NKAIN3: variants seen among roughly 807,000 people sequenced by gnomAD.
NKAIN3 encodes the protein sodium/potassium-transporting ATPase subunit beta-1-interacting protein 3.
In NKAIN3, 25 loss-of-function variants were observed where a neutral mutation model predicts 30.2. That is an observed-to-expected ratio of 0.83 (90% confidence interval 0.60 to 1.16). The LOEUF (loss-of-function observed/expected upper bound fraction) is 1.16. Among genes scored for constraint, NKAIN3 ranks in the 50% most tolerant of loss-of-function variants. The probability of loss-of-function intolerance (pLI) is 0.00; values close to 1 mark genes in which losing one functional copy is unlikely to be tolerated. For missense variants in NKAIN3, 225 were observed against 254.1 expected (o/e 0.89, Z 0.78); for synonymous variants, 91 against 89.6 (o/e 1.02, Z -0.09).
intron 4 of NKAIN3, chr8:62,856,331 T>A: frequency 1.1e-6 from 1 of 927,882 alleles, no homozygotes; most frequent in Non-Finnish European, 1.8e-6. Flanking sequence ...GCTTCAGCTT[T>A]AACCTGCTTA....
intron 4 of NKAIN3, among the ~76,000 whole-genome samples, chr8:62,751,762 ATAT>A (rs1816290588): frequency 6.6e-6 from 1 of 152,068 alleles, no homozygotes; most frequent in Non-Finnish European, 1.5e-5. Flanking sequence ...TATGTGTTAC[ATAT>A]TATAATCATA....
Position 62,870,528 on chromosome 8 carries a change from T to C in NKAIN3, c.472-47925T>C, listed in dbSNP as rs1449371732. Among the ~76,000 whole-genome samples the C allele has an allele frequency of 3.6e-5, 5 of 137,950 alleles. 1 individual carries two copies. Among genetic ancestry groups the C allele is most frequent in the African/African-American group, 5.5e-5 (2 of 36,636 alleles). 90.5% of individuals were successfully genotyped at this position (137,950 alleles called of 152,430 possible). On this transcript the variant is annotated intron_variant, in intron 4 of 6. Coordinates refer to ENST00000623646, the MANE Select transcript of NKAIN3 (RefSeq NM_001304533.3). ...TACAATATGTACGTATATATGTATATATGTACAATATGTACATATATATAC... is the reference window on the plus strand; with the variant it reads ...TACAATATGTACGTATATATGTATACATGTACAATATGTACATATATATAC...
intron 5 of NKAIN3, among the ~76,000 whole-genome samples, chr8:62,934,991 A>G (rs1822738825): frequency 6.6e-6 from 1 of 152,132 alleles, no homozygotes; most frequent in African/African-American, 2.4e-5. Flanking sequence ...TCAAATTCAC[A>G]AATTCTGCCT....
chr8:62,961,877 T>G (rs1292280995), intron 6 of NKAIN3, among the ~76,000 whole-genome samples: 1 of 152,164 alleles, frequency 6.6e-6, no homozygotes, highest in Non-Finnish European at 1.5e-5. Flanking sequence ...AGAAATTTCA[T>G]TATAAATTAC....
intron 1 of NKAIN3, among the ~76,000 whole-genome samples, chr8:62,278,649 A>G (rs1813050781): frequency 2.6e-5 from 4 of 151,890 alleles, no homozygotes; most frequent in Admixed American, 2.6e-4. Flanking sequence ...TATCCCTGTG[A>G]TAGTTTGCTA....
intron 4 of NKAIN3, among the ~76,000 whole-genome samples, chr8:62,756,852 G>A (rs1015888837): frequency 2.6e-5 from 4 of 152,034 alleles, no homozygotes; most frequent in East Asian, 1.9e-4. Context: ...TTATGCCATC[G>A]CTAAACAACA....
At chr8:62,510,469 G>T (rs187650764) in intron 1 of NKAIN3, among the ~76,000 whole-genome samples, 466 of 152,112 alleles carry the variant, frequency 3.1e-3, no homozygotes, top group African/African-American at 9.7e-3. Flanking sequence ...GACAACTCAC[G>T]GCAGTGCAGA....
intron 5 of NKAIN3, among the ~76,000 whole-genome samples, chr8:62,937,130 A>T (rs1302389628): frequency 6.6e-6 from 1 of 152,164 alleles, no homozygotes; most frequent in East Asian, 1.9e-4. Context: ...CTTCACATAA[A>T]AAACTATTCT....
chr8:62,932,995 AACACAC>A (rs59854103), intron 5 of NKAIN3, among the ~76,000 whole-genome samples: 20 of 141,886 alleles, frequency 1.4e-4, no homozygotes, highest in South Asian at 7.0e-4. Flanking sequence ...TCACTCAATG[AACACAC>A]ACACACACAC....
At chr8:62,599,180 T>A (rs892079697) in intron 3 of NKAIN3, among the ~76,000 whole-genome samples, 3 of 152,074 alleles carry the variant, frequency 2.0e-5, no homozygotes, top group African/African-American at 7.2e-5. Flanking sequence ...CTCCAGATAT[T>A]CCCTTTCCTT....
At chr8:62,434,947 T>G (rs1292294390) in intron 1 of NKAIN3, among the ~76,000 whole-genome samples, 1 of 152,046 alleles carries the variant, frequency 6.6e-6, no homozygotes, top group Non-Finnish European at 1.5e-5. Flanking sequence ...TTGAGGCACA[T>G]CAATCATTTT....
At chr8:62,816,093 C>G (rs998455916) in intron 4 of NKAIN3, among the ~76,000 whole-genome samples, 2 of 152,058 alleles carry the variant, frequency 1.3e-5, no homozygotes, top group Non-Finnish European at 2.9e-5. Flanking sequence ...TGTTTCCTTG[C>G]TTTTTAATAT....
intron 1 of NKAIN3, among the ~76,000 whole-genome samples, chr8:62,462,028 T>C (rs1310595433): frequency 6.6e-6 from 1 of 152,142 alleles, no homozygotes; most frequent in Non-Finnish European, 1.5e-5. Context: ...ATGGACACAT[T>C]ATAATTAAAC....
intron 4 of NKAIN3, among the ~76,000 whole-genome samples, chr8:62,909,936 A>G (rs144660719): frequency 3.3e-4 from 50 of 152,266 alleles, no homozygotes; most frequent in African/African-American, 1.2e-3. Flanking sequence ...CATGTCATCT[A>G]TCAAGACAAT....
At chr8:62,405,410 T>A (rs1045676406) in intron 1 of NKAIN3, among the ~76,000 whole-genome samples, 1 of 152,226 alleles carries the variant, frequency 6.6e-6, no homozygotes, top group Non-Finnish European at 1.5e-5. Flanking sequence ...TAGCCTGTGG[T>A]GGTGGAGCTG....
chr8:62,326,862 T>C (rs908795353), intron 1 of NKAIN3, among the ~76,000 whole-genome samples: 12 of 152,066 alleles, frequency 7.9e-5, no homozygotes, highest in Admixed American at 7.2e-4. Flanking sequence ...TTTATTTCTT[T>C]TTTGAGGAAC....
chr8:62,734,757 G>T (rs1265211181), intron 3 of NKAIN3, among the ~76,000 whole-genome samples: 1 of 152,196 alleles, frequency 6.6e-6, no homozygotes, highest in Non-Finnish European at 1.5e-5. Context: ...CAAGAAGTCT[G>T]TGTCATATAT....
intron 5 of NKAIN3, among the ~76,000 whole-genome samples, chr8:62,935,401 A>G (rs535300325): frequency 2.4e-3 from 358 of 152,260 alleles, no homozygotes; most frequent in Middle Eastern, 6.8e-3. Context: ...CTGGCACTCC[A>G]TCGCCATTAC....
At chr8:62,822,760 T>C (rs1818887663) in intron 4 of NKAIN3, among the ~76,000 whole-genome samples, 2 of 152,172 alleles carry the variant, frequency 1.3e-5, no homozygotes, top group Admixed American at 1.3e-4. Context: ...AATGCAGTCG[T>C]GCATCACTTA....
Sources: allele counts gnomAD v4.1 joint callset (sites outside exome capture counted in the v4.1 genomes callset), GRCh38; gene constraint gnomAD v4.1.1; transcripts MANE v1.5; gene names NCBI Gene and HGNC (gene_info 2026-07-23, HGNC 2026-07-21).